Variants in HS3ST4 observed in about 807,000 individuals in gnomAD.
The protein encoded by HS3ST4 is heparan sulfate-glucosamine 3-sulfotransferase 4, also known as heparan sulfate glucosamine 3-O-sulfotransferase 4.
HS3ST4 carries 17 observed loss-of-function variants against 29.2 expected under a neutral mutation model. The ratio of observed to expected loss-of-function variants is 0.58; its 90% CI spans 0.40 to 0.87. The LOEUF (loss-of-function observed/expected upper bound fraction) is 0.87. HS3ST4 is among the 40% of genes least tolerant of loss of function. The pLI, the probability that HS3ST4 is intolerant of heterozygous loss-of-function variation, is 0.00. For missense variants in HS3ST4, 627 were observed against 634.5 expected (o/e 0.99, Z 0.13); for synonymous variants, 314 against 285.7 (o/e 1.10, Z -1.00).
At position 25,734,144 on chromosome 16, in the gene HS3ST4, A is replaced by C. The variant is rs1420905050; in HGVS notation, c.734+40993A>C. Among the ~76,000 whole-genome samples the C allele has an allele frequency of 2.6e-5, 4 of 151,124 alleles. No homozygotes were observed. In the South Asian group the frequency reaches 6.2e-4, roughly 24 times the overall value. On this transcript the variant is annotated intron_variant, in intron 1 of 1. Coordinates refer to ENST00000331351, the MANE Select transcript of HS3ST4 (RefSeq NM_006040.3). ...AAAAACAAAACAAAACAAAACAAAA[A>C]CACATTGTAGCGACATATACTAGGT...
At chr16:26,111,832 C>A (rs1035082185) in intron 1 of HS3ST4, among the ~76,000 whole-genome samples, 2 of 152,108 alleles carry the variant, frequency 1.3e-5, no homozygotes, top group East Asian at 1.9e-4. Flanking sequence ...ACTTGGCCAA[C>A]ATGGTGAAAC....
intron 1 of HS3ST4, among the ~76,000 whole-genome samples, chr16:25,924,420 G>A (rs966772148): frequency 4.6e-5 from 7 of 152,112 alleles, no homozygotes; most frequent in African/African-American, 1.7e-4. Context: ...ACATCCGGGG[G>A]ACCTTTCAAA....
At chr16:26,083,466 A>T (rs1596674723) in intron 1 of HS3ST4, among the ~76,000 whole-genome samples, 1 of 152,184 alleles carries the variant, frequency 6.6e-6, no homozygotes, top group South Asian at 2.1e-4. Flanking sequence ...GCTAATCTAG[A>T]CCAAGAGTCA....
Position 25,887,424 on chromosome 16 carries a change from C to T in HS3ST4, c.734+194273C>T, listed in dbSNP as rs142201927. On this transcript the variant is annotated intron_variant, in intron 1 of 1. Transcript: ENST00000331351. ...CATCCTCACTAAAGGGCTAGGAAGG[C>T]GGAGTATTTTAACCCCCACCCTCTT... is the stretch of plus-strand genomic sequence containing the variant. Among the ~76,000 whole-genome samples, 1,024 of 152,054 alleles carry T rather than the reference C, an allele frequency of 6.7e-3. 10 individuals carry two copies. Among genetic ancestry groups the T allele is most frequent in the African/African-American group, 0.023 (955 of 41,430 alleles).
chr16:25,823,217 ACT>A (rs1200517979), intron 1 of HS3ST4, among the ~76,000 whole-genome samples: 1 of 151,902 alleles, frequency 6.6e-6, no homozygotes, highest in South Asian at 2.1e-4. Flanking sequence ...AGCCCAGGGA[ACT>A]CTTTCTATTC....
At chr16:25,860,773 A>T (rs1211742508) in intron 1 of HS3ST4, among the ~76,000 whole-genome samples, 1 of 152,200 alleles carries the variant, frequency 6.6e-6, no homozygotes, top group East Asian at 1.9e-4. Flanking sequence ...ATTACTCTGT[A>T]TGATACTACG....
At chr16:25,999,404 A>G (rs530263401) in intron 1 of HS3ST4, among the ~76,000 whole-genome samples, 5 of 152,072 alleles carry the variant, frequency 3.3e-5, no homozygotes, top group African/African-American at 4.8e-5. Context: ...TTTCATTTCA[A>G]TGTTACACAT....
At chr16:26,023,878 A>T (rs1969440420) in intron 1 of HS3ST4, among the ~76,000 whole-genome samples, 1 of 152,192 alleles carries the variant, frequency 6.6e-6, no homozygotes, top group Non-Finnish European at 1.5e-5. Context: ...ATTGAGATTG[A>T]GTCTCAGTGT....
intron 1 of HS3ST4, among the ~76,000 whole-genome samples, chr16:26,049,026 G>A (rs533251594): frequency 2.9e-4 from 44 of 151,958 alleles, no homozygotes; most frequent in Admixed American, 2.6e-3. Context: ...AGCTAAAATC[G>A]GAGACTACTC....
In HS3ST4 at chr16:26,118,151, C is replaced by T. The variant is rs73523990; in HGVS notation, c.735-17461C>T. 3.1e-3 allele frequency among the ~76,000 whole-genome samples: 477 copies of T among 152,226 alleles called. 6 individuals are homozygous for T. Among genetic ancestry groups the T allele is most frequent in the African/African-American group, 0.011 (460 of 41,530 alleles). On this transcript the variant is annotated intron_variant, in intron 1 of 1. Transcript: ENST00000331351. ...TGTGATCATGGGTCACCGCAGCCTCCAACTTCTGGCCTCAAGCAATCCTCC... is the reference window on the plus strand; with the variant it reads ...TGTGATCATGGGTCACCGCAGCCTCTAACTTCTGGCCTCAAGCAATCCTCC...
chr16:25,868,693 C>T (rs12445018), intron 1 of HS3ST4, among the ~76,000 whole-genome samples: 1,910 of 152,268 alleles, frequency 0.013, 28 homozygotes, highest in Middle Eastern at 0.041. Context: ...AAATGTAATT[C>T]GGACTGTCAA....
At chr16:25,979,738 A>G (rs1361494881) in intron 1 of HS3ST4, among the ~76,000 whole-genome samples, 2 of 152,200 alleles carry the variant, frequency 1.3e-5, no homozygotes, top group African/African-American at 2.4e-5. Context: ...TCAACATCAA[A>G]AAAATTGTCT....
At chr16:26,129,590 T>C (rs1047032804) in intron 1 of HS3ST4, among the ~76,000 whole-genome samples, 1 of 152,188 alleles carries the variant, frequency 6.6e-6, no homozygotes, top group African/African-American at 2.4e-5. Context: ...ATTAAGTCAT[T>C]TCATCCTCTC....
chr16:25,908,770 G>A (rs895894101), intron 1 of HS3ST4, among the ~76,000 whole-genome samples: 1 of 152,200 alleles, frequency 6.6e-6, no homozygotes, highest in South Asian at 2.1e-4. Context: ...GAAGCTGCAG[G>A]TGAGGTAGCA....
chr16:25,854,116 A>T (rs1415105259), intron 1 of HS3ST4, among the ~76,000 whole-genome samples: 1 of 135,340 alleles, frequency 7.4e-6, no homozygotes, highest in Non-Finnish European at 1.7e-5. Flanking sequence ...TAGCCACTCC[A>T]TGTCTTTTTT....
chr16:26,087,774 C>T (rs77853752), intron 1 of HS3ST4, among the ~76,000 whole-genome samples: 2,438 of 152,138 alleles, frequency 0.016, 56 homozygotes, highest in African/African-American at 0.053. Flanking sequence ...ATCAACTTTC[C>T]CTTTGAGCAC....
At chr16:26,094,320 A>G (rs1898896580) in intron 1 of HS3ST4, among the ~76,000 whole-genome samples, 2 of 152,216 alleles carry the variant, frequency 1.3e-5, no homozygotes, top group Admixed American at 6.5e-5. Context: ...TGTCAGATTC[A>G]CCAAGGTTGA....
chr16:26,081,698 G>T (rs80161434), intron 1 of HS3ST4, among the ~76,000 whole-genome samples: 4,139 of 151,996 alleles, frequency 0.027, 184 homozygotes, highest in African/African-American at 0.091. Context: ...AGGAAATAGG[G>T]TGTATCAAGA....
intron 1 of HS3ST4, among the ~76,000 whole-genome samples, chr16:25,837,557 A>G (rs1311863291): frequency 1.3e-5 from 2 of 152,186 alleles, no homozygotes; most frequent in Admixed American, 1.3e-4. Flanking sequence ...GGGAGAGCTC[A>G]GTGCCTACCT....
Sources: allele counts gnomAD v4.1 joint callset (sites outside exome capture counted in the v4.1 genomes callset), GRCh38; gene constraint gnomAD v4.1.1; transcripts MANE v1.5; gene names NCBI Gene and HGNC (gene_info 2026-07-23, HGNC 2026-07-21).